The following STAU1 variants were observed in gnomAD, a reference collection of about 807,000 sequenced individuals.
STAU1 encodes the protein double-stranded RNA-binding protein Staufen homolog 1.
In STAU1, 13 loss-of-function variants were observed where a neutral mutation model predicts 62.9. The ratio of observed to expected loss-of-function variants is 0.21; its 90% CI spans 0.13 to 0.33. STAU1 has a LOEUF of 0.33. STAU1 is among the 10% of genes least tolerant of loss of function. STAU1 has a pLI of 1.00. For missense variants in STAU1, 571 were observed against 712.1 expected (o/e 0.80, Z 2.25); for synonymous variants, 269 against 265.1 (o/e 1.01, Z -0.14).
At chr20:49,219,159 C>T in the STAU1 span, 1 of 567,876 alleles carries the variant, frequency 1.8e-6, no homozygotes, top group Admixed American at 3.3e-5. Context: ...AAATGCAACT[C>T]TTTAGACTCT....
chr20:49,169,752 G>A (rs942164899), intron 2 of STAU1, among the ~76,000 whole-genome samples: 3 of 152,044 alleles, frequency 2.0e-5, no homozygotes, highest in East Asian at 3.9e-4. Context: ...ACACAGATGA[G>A]GACCTTTCAT....
At chr20:49,119,228 C>T (rs1465608306) in intron 9 of STAU1, among the ~76,000 whole-genome samples, 4 of 152,116 alleles carry the variant, frequency 2.6e-5, no homozygotes, top group Non-Finnish European at 5.9e-5. Context: ...GTCTGTCGCC[C>T]AGGCTGAGTG....
chr20:49,153,890 T>C (rs577802328), intron 4 of STAU1, 43 bp downstream of exon 4: 3 of 1,533,992 alleles, frequency 2.0e-6, no homozygotes, highest in Non-Finnish European at 2.6e-6. Flanking sequence ...TCAGACACGT[T>C]TTCTCCTGTA....
At chr20:49,138,733 A>C (rs1191048183) in intron 5 of STAU1, among the ~76,000 whole-genome samples, 1 of 152,004 alleles carries the variant, frequency 6.6e-6, no homozygotes, top group Non-Finnish European at 1.5e-5. Flanking sequence ...AACTGGGCTC[A>C]AGCAACCCTC....
the STAU1 span, among the ~76,000 whole-genome samples, chr20:49,196,863 A>G: frequency 4.0e-5 from 6 of 151,804 alleles, no homozygotes; most frequent in Middle Eastern, 3.4e-3. Flanking sequence ...AAGTTTAGAA[A>G]TAACATCAAT....
At position 49,114,224 on chromosome 20, in the gene STAU1, G is replaced by C. The variant is rs1027015136; in HGVS notation, c.*654C>G. The C allele has an allele frequency of 2.6e-5, 4 of 152,734 alleles. No individual in the cohort carries two copies. The highest frequency in any genetic ancestry group is 2.1e-4 in the South Asian group (1 of 4,824). The allele number at this position is 152,734 out of a possible 1,614,324, so 9.5% of individuals were successfully genotyped here. On this transcript the variant is annotated 3_prime_UTR_variant, in exon 14 of 14. Coordinates refer to ENST00000371856, the MANE Select transcript of STAU1 (RefSeq NM_017453.4). The stretch of plus-strand genomic sequence containing the variant: ...GTTTCCAAACTGTGCTATTTAACTA[G>C]ATACAATTGAGAAATTCTCAAATGA...
At chr20:49,128,771 TCC>T (rs1393035971) in intron 6 of STAU1, among the ~76,000 whole-genome samples, 426 of 27,180 alleles carry the variant, frequency 0.016, 4 homozygotes, top group African/African-American at 0.053. Context: ...GACATCCAAA[TCC>T]AAAAAAAAAA....
chr20:49,177,447 G>A (rs2146534066), intron 1 of STAU1, among the ~76,000 whole-genome samples: 1 of 152,196 alleles, frequency 6.6e-6, no homozygotes, highest in South Asian at 2.1e-4. Context: ...GGGAGGCCGA[G>A]GGTGGCAGAT....
At chr20:49,165,801 C>T (rs1568914420) in intron 3 of STAU1, among the ~76,000 whole-genome samples, 196 bp downstream of exon 3, 2 of 141,036 alleles carry the variant, frequency 1.4e-5, no homozygotes, top group African/African-American at 2.6e-5. Flanking sequence ...AACCTACAAT[C>T]GTCTGTCAAC....
the STAU1 span, among the ~76,000 whole-genome samples, chr20:49,203,647 G>A: frequency 6.6e-6 from 1 of 152,130 alleles, no homozygotes; most frequent in African/African-American, 2.4e-5. Flanking sequence ...AATTACATAT[G>A]CAATAATTAT....
chr20:49,218,326 A>T, the STAU1 span, among the ~76,000 whole-genome samples: 1 of 143,250 alleles, frequency 7.0e-6, no homozygotes, highest in African/African-American at 2.6e-5. Context: ...CTGGGTTCAC[A>T]CCATTCTCCT....
At chr20:49,123,055 T>A (rs369758195) in intron 8 of STAU1, 37 bp downstream of exon 8, 20 of 1,538,288 alleles carry the variant, frequency 1.3e-5, no homozygotes, top group Non-Finnish European at 1.7e-5. Context: ...CTGGACGTGG[T>A]CAGAGGAAGG....
At position 49,188,264 on chromosome 20, in the gene STAU1, CGGGGG is replaced by C. The variant is rs3091465; in HGVS notation, c.-313_-309del. 1.3e-5 allele frequency: 2 copies of C among 150,450 alleles called. No individual in the cohort carries two copies. The highest frequency in any genetic ancestry group is 4.9e-5 in the African/African-American group (2 of 41,158). 9.3% of individuals were successfully genotyped at this position (150,450 alleles called of 1,614,324 possible). On this transcript the variant is annotated 5_prime_UTR_variant, in exon 1 of 14. Coordinates refer to ENST00000371856, the MANE Select transcript of STAU1 (RefSeq NM_017453.4). ...GTGGAGGAGGCGGGCGCCGCCGGGC[CGGGGG>C]GGGGAGGCGGTCAAAGGAAGCGGGA...
Position 49,154,033 on chromosome 20 carries a change from T to A in STAU1, c.244A>T (p.Met82Leu), listed in dbSNP as rs1412545650. ...TPTVELNALCMKLGKKPMYKP... is the reference protein window; with the variant it reads ...TPTVELNALCLKLGKKPMYKP... The stretch of plus-strand genomic sequence containing the variant: ...TACATTGGTTTTTTTCCAAGTTTCA[T>A]GCACAGTGCATTTAGTTCTACAGTA... The change falls in exon 4 of 14, where the codon ATG becomes TTG. Residue 82 changes from methionine (M) to leucine (L), a missense_variant. Around this residue, in one of 3 missense-constraint regions of STAU1, gnomAD observed 414 missense variants for 499.6 expected, o/e 0.83. Coordinates refer to ENST00000371856, the MANE Select transcript of STAU1 (RefSeq NM_017453.4). 2 of 1,612,946 alleles carry A rather than the reference T, an allele frequency of 1.2e-6. No individual in the cohort carries two copies. Among genetic ancestry groups the A allele is most frequent in the Admixed American group, 1.7e-5 (1 of 59,648 alleles).
intron 1 of STAU1, among the ~76,000 whole-genome samples, chr20:49,183,573 C>A (rs1297060806): frequency 6.6e-6 from 1 of 152,166 alleles, no homozygotes; most frequent in Non-Finnish European, 1.5e-5. Context: ...AGTAAAAAGG[C>A]TCAAAGAAAG....
intron 1 of STAU1, among the ~76,000 whole-genome samples, chr20:49,179,514 G>A (rs2093699091): frequency 6.6e-6 from 1 of 152,184 alleles, no homozygotes; most frequent in African/African-American, 2.4e-5. Flanking sequence ...GAGCAGGTTG[G>A]TTCAATTGTG....
At chr20:49,192,422 A>C (rs1403502699), upstream of STAU1, among the ~76,000 whole-genome samples, 1 of 152,170 alleles carries the variant, frequency 6.6e-6, no homozygotes, top group Admixed American at 6.6e-5. Context: ...TGGAAAAATA[A>C]AAATACCTAG....
rs760145007 is a variant in STAU1, at chr20:49,151,747, C to T, written c.345G>A (p.Arg115=). Residue 115 remains arginine, a splice_region_variant and synonymous_variant, in exon 5 of 14, where the codon AGG becomes AGA. Coordinates refer to ENST00000371856, the MANE Select transcript of STAU1 (RefSeq NM_017453.4). The part of the protein sequence containing the change: ...YNMRGGAYPP[R]YFYPFPVPPL... ...GTGGAACTGGAAATGGGTAAAAGTA[C>T]CTAGAAATAAAAGGAGGTTAGGCAA... The T allele has an allele frequency of 3.7e-6, 6 of 1,606,450 alleles. 1 individual carries two copies. The South Asian group carries it at 4.5e-5, about 12-fold the overall frequency.
In STAU1 at chr20:49,166,228, T is replaced by C; in HGVS notation, c.-27A>G. 1 of 1,609,800 alleles carries C rather than the reference T, an allele frequency of 6.2e-7. No individual in the cohort carries two copies. Among genetic ancestry groups the C allele is most frequent in the Non-Finnish European group, 8.5e-7 (1 of 1,176,300 alleles). On this transcript the variant is annotated 5_prime_UTR_variant, in exon 3 of 14. Transcript: ENST00000371856. ...GTCACTTTCAACAAAAGTGAACAAATGCAGGTAAACAGCTTTCAGTGCAGG... is the reference window on the plus strand; with the variant it reads ...GTCACTTTCAACAAAAGTGAACAAACGCAGGTAAACAGCTTTCAGTGCAGG...
Sources: gnomAD v4.1 joint callset for allele counts (sites outside exome capture counted in the v4.1 genomes callset) on GRCh38, gnomAD v4.1.1 for gene constraint, gnomAD v4.1.1 regional missense constraint, MANE v1.5 for transcripts, NCBI Gene and HGNC (gene_info 2026-07-23, HGNC 2026-07-21) for gene names.